Variants in C5 observed in about 807,000 individuals in gnomAD.
The protein encoded by C5 is C3 and PZP-like alpha-2-macroglobulin domain-containing protein 4.
A neutral mutation model predicts 218.8 loss-of-function variants in C5; 140 were observed. The observed-to-expected ratio is 0.64, with a 90% confidence interval of 0.56 to 0.74. C5 has a LOEUF of 0.74. C5 is among the 30% of genes least tolerant of loss of function. The pLI is 0.00. For synonymous variants in C5, 614 were observed against 682.3 expected, an observed-to-expected ratio of 0.90 and a Z score of 1.56; for missense variants, 1,700 against 1,969.6, an observed-to-expected ratio of 0.86 and a Z score of 2.59.
the C5 span, among the ~76,000 whole-genome samples, chr9:121,055,859 C>T: frequency 6.6e-6 from 1 of 152,198 alleles, no homozygotes; most frequent in Non-Finnish European, 1.5e-5. Context: ...CTGCATCACT[C>T]CTCCCCCAGC....
chr9:121,008,772 A>G (rs2047237641), intron 17 of C5, among the ~76,000 whole-genome samples: 1 of 152,080 alleles, frequency 6.6e-6, no homozygotes, highest in African/African-American at 2.4e-5. Context: ...TCTACTAAAA[A>G]CACAAAAATT....
the C5 span, among the ~76,000 whole-genome samples, chr9:121,069,857 T>G: frequency 6.6e-6 from 1 of 152,204 alleles, no homozygotes; most frequent in South Asian, 2.1e-4. Context: ...TAAACTAATA[T>G]ATCCACTATG....
At chr9:120,984,519 A>T (rs1025891420) in intron 25 of C5, among the ~76,000 whole-genome samples, 2 of 152,252 alleles carry the variant, frequency 1.3e-5, no homozygotes, top group Admixed American at 1.3e-4. Context: ...GTGCAGTTAT[A>T]CGGCCAGGCT....
At chr9:121,074,570 A>G in the C5 span, among the ~76,000 whole-genome samples, 21 of 152,326 alleles carry the variant, frequency 1.4e-4, no homozygotes, top group East Asian at 3.9e-3. Flanking sequence ...CAAGCATCAG[A>G]AGTGGGGGAG....
intron 21 of C5, among the ~76,000 whole-genome samples, chr9:120,996,747 G>T (rs2047119373): frequency 6.6e-6 from 1 of 152,174 alleles, no homozygotes; most frequent in Non-Finnish European, 1.5e-5. Context: ...ATGGGAATGT[G>T]CTTTGCACAA....
intron 27 of C5, among the ~76,000 whole-genome samples, chr9:120,980,893 G>A (rs928334701): frequency 6.6e-6 from 1 of 152,146 alleles, no homozygotes; most frequent in South Asian, 2.1e-4. Flanking sequence ...ACTGCACCCG[G>A]CCCATAGACA....
chr9:120,988,348 G>A (rs185150345), intron 25 of C5, among the ~76,000 whole-genome samples: 3 of 152,320 alleles, frequency 2.0e-5, no homozygotes, highest in African/African-American at 7.2e-5. Context: ...AACGATATGA[G>A]GTGTTGGGAG....
chr9:121,006,663 C>G (rs1378706079), intron 19 of C5, among the ~76,000 whole-genome samples: 4 of 151,120 alleles, frequency 2.6e-5, no homozygotes, highest in Non-Finnish European at 5.9e-5. Flanking sequence ...GACAACATAG[C>G]GAGACCCCTT....
At chr9:120,964,335 G>T (rs1436576286) in intron 33 of C5, among the ~76,000 whole-genome samples, 1 of 152,122 alleles carries the variant, frequency 6.6e-6, no homozygotes, top group Non-Finnish European at 1.5e-5. Flanking sequence ...AAAAAAATTA[G>T]CCGGGCTTGG....
intron 22 of C5, among the ~76,000 whole-genome samples, chr9:120,992,338 T>A (rs558750556): frequency 6.6e-6 from 1 of 152,332 alleles, no homozygotes; most frequent in African/African-American, 2.4e-5. Flanking sequence ...TGAAAGAGCA[T>A]GAAGTTCAAA....
At position 121,020,047 on chromosome 9, in the gene C5, C is replaced by G; in HGVS notation, c.1435G>C (p.Gly479Arg). 1 of 1,613,122 alleles carries G rather than the reference C, an allele frequency of 6.2e-7. No individual in the cohort carries two copies. The highest frequency in any genetic ancestry group is 8.5e-7 in the Non-Finnish European group (1 of 1,179,244). Reference protein sequence around the residue: ...WTDNHKALLVGEHLNIIVTPK... With the variant: ...WTDNHKALLVREHLNIIVTPK... ...GTAACAATAATATTCAGATGTTCTC[C>G]CACTAGCAAAGCCTTATGGTTATCA... is the stretch of plus-strand genomic sequence containing the variant. Residue 479 changes from glycine to arginine, a missense_variant, in exon 12 of 41, where the codon GGA becomes CGA. Physicochemically the swap from Gly to Arg is moderately radical, Grantham distance 125. Coordinates refer to ENST00000223642, the MANE Select transcript of C5 (RefSeq NM_001735.3).
the C5 span, among the ~76,000 whole-genome samples, chr9:121,074,050 A>C: frequency 3.9e-5 from 6 of 152,160 alleles, no homozygotes; most frequent in Non-Finnish European, 8.8e-5. Flanking sequence ...ATACGCTGGC[A>C]TAGGGGTCTT....
chr9:120,987,511 C>T (rs1437825416), intron 25 of C5, among the ~76,000 whole-genome samples: 1 of 151,060 alleles, frequency 6.6e-6, no homozygotes, highest in Non-Finnish European at 1.5e-5. Context: ...TGGTGGTGCG[C>T]GCCTGTAATC....
At chr9:121,065,685 G>T in the C5 span, among the ~76,000 whole-genome samples, 11,957 of 152,140 alleles carry the variant, frequency 0.079, 534 homozygotes, top group Non-Finnish European at 0.11. Context: ...ACAGGATTTT[G>T]CCATGTTTTC....
intron 25 of C5, 37 bp from the exon 26 acceptor site, chr9:120,982,851 G>A (rs199574645): frequency 2.8e-4 from 329 of 1,181,456 alleles, no homozygotes; most frequent in Admixed American, 4.0e-4. Context: ...TATTTAGAAC[G>A]CTGAATCCCT....
intron 33 of C5, 97 bp from the exon 34 acceptor site, chr9:120,963,835 G>A (rs1024168655): frequency 2.3e-5 from 21 of 901,300 alleles, no homozygotes; most frequent in Middle Eastern, 5.5e-4. Context: ...TTTTAAATTT[G>A]GGTCTCCATT....
In C5 at chr9:120,962,668, T is replaced by C. The variant is rs1001034253; in HGVS notation, c.4504+3A>G. The C allele has an allele frequency of 6.3e-7, 1 of 1,588,710 alleles. No homozygotes were observed. The highest frequency in any genetic ancestry group is 2.2e-5 in the East Asian group (1 of 44,736). ...GAAGAAATGTTAGCATGGAGTTGATTACCTGGTCTGTGGTATTCGTACACT... is the reference window on the plus strand; with the variant it reads ...GAAGAAATGTTAGCATGGAGTTGATCACCTGGTCTGTGGTATTCGTACACT... On this transcript the variant is annotated splice_donor_region_variant and intron_variant, in intron 36 of 40. Transcript: ENST00000223642.
chr9:121,023,498 T>A lies in C5; in HGVS notation c.1022A>T (p.Glu341Val). Residue 341 changes from glutamate to valine, a missense_variant, in exon 10 of 41, where the codon GAA becomes GTA. Coordinates refer to ENST00000223642, the MANE Select transcript of C5 (RefSeq NM_001735.3). Reference sequence around the variant, plus strand: ...GAGGACATATTTGATGCCAGGTATTTCTGCCTCTTCAGAAAATCCACCTAA... The same window carrying A: ...GAGGACATATTTGATGCCAGGTATTACTGCCTCTTCAGAAAATCCACCTAA... ...ESTGGFSEEA[E>V]IPGIKYVLSP... The A allele has an allele frequency of 6.2e-7, 1 of 1,612,654 alleles. No homozygotes were observed. The highest frequency in any genetic ancestry group is 8.5e-7 in the Non-Finnish European group (1 of 1,178,642).
intron 38 of C5, among the ~76,000 whole-genome samples, 153 bp downstream of exon 38, chr9:120,960,095 G>A (rs868167996): frequency 3.3e-5 from 5 of 152,176 alleles, no homozygotes; most frequent in Admixed American, 1.3e-4. Flanking sequence ...AACTTTGCAT[G>A]TTAATGCTAA....
Sources: gnomAD v4.1 joint callset for allele counts (sites outside exome capture counted in the v4.1 genomes callset) on GRCh38, gnomAD v4.1.1 for gene constraint, MANE v1.5 for transcripts, NCBI Gene and HGNC (gene_info 2026-07-23, HGNC 2026-07-21) for gene names.